ANKRD12: variants seen among roughly 807,000 people sequenced by gnomAD.
The protein encoded by ANKRD12 is ankyrin repeat domain-containing protein 12.
A neutral mutation model predicts 183.4 loss-of-function variants in ANKRD12; 85 were observed. That is an observed-to-expected ratio of 0.46 (90% CI 0.39 to 0.56). The LOEUF is 0.56. ANKRD12 is among the 20% of genes least tolerant of loss of function. The probability of loss-of-function intolerance (pLI) is 0.00; values close to 1 mark genes in which losing one functional copy is unlikely to be tolerated. For missense variants in ANKRD12, 2,405 were observed against 2,357.1 expected (o/e 1.02, Z -0.42); for synonymous variants, 914 against 800.2 (o/e 1.14, Z -2.40).
chr18:9,256,044 A>G lies in ANKRD12; in HGVS notation c.2777A>G (p.Lys926Arg). 1 of 1,562,278 alleles carries G rather than the reference A, an allele frequency of 6.4e-7. No homozygotes were observed. Among genetic ancestry groups the G allele is most frequent in the Non-Finnish European group, 8.6e-7 (1 of 1,161,102 alleles). The change falls in exon 9 of 13, where the codon AAA becomes AGA. Residue 926 changes from lysine to arginine, a missense_variant. Transcript: ENST00000262126. The stretch of plus-strand genomic sequence containing the variant: ...AAAGAGAGGCATCTAGCAGAAAGCA[A>G]AGAAAAGCACTTGATGGAGAAAAAA... ...PEKERHLAES[K>R]EKHLMEKKNK...
chr18:9,261,836 C>G (rs1307675177), intron 9 of ANKRD12, among the ~76,000 whole-genome samples: 1 of 152,120 alleles, frequency 6.6e-6, no homozygotes, highest in Non-Finnish European at 1.5e-5. Context: ...GGTATTTGCC[C>G]TCTTGAGGAA....
At chr18:9,144,791 G>A (rs2078437611) in intron 1 of ANKRD12, among the ~76,000 whole-genome samples, 1 of 151,942 alleles carries the variant, frequency 6.6e-6, no homozygotes. Context: ...CAAAGATGAT[G>A]ATATTAAAAG....
At chr18:9,180,991 C>CT (rs2033658724) in intron 1 of ANKRD12, among the ~76,000 whole-genome samples, 1 of 152,092 alleles carries the variant, frequency 6.6e-6, no homozygotes, top group African/African-American at 2.4e-5. Flanking sequence ...TGGCTCATAA[C>CT]TTTAACTCCA....
chr18:9,273,384 G>A (rs2039693609), intron 10 of ANKRD12, among the ~76,000 whole-genome samples: 1 of 152,160 alleles, frequency 6.6e-6, no homozygotes, highest in Non-Finnish European at 1.5e-5. Context: ...TCATCATACA[G>A]TATGTTTATT....
intron 1 of ANKRD12, among the ~76,000 whole-genome samples, chr18:9,139,031 T>C (rs938965316): frequency 7.2e-5 from 11 of 152,240 alleles, no homozygotes; most frequent in Admixed American, 6.5e-4. Flanking sequence ...GTTTTCATAA[T>C]CTCATAATTT....
intron 1 of ANKRD12, among the ~76,000 whole-genome samples, chr18:9,178,216 T>C (rs1262050313): frequency 6.6e-6 from 1 of 152,188 alleles, no homozygotes; most frequent in Non-Finnish European, 1.5e-5. Context: ...GCCACTAAAA[T>C]ACTCTTGTTT....
chr18:9,220,234 AT>A (rs1160507161), intron 7 of ANKRD12, among the ~76,000 whole-genome samples: 1 of 152,104 alleles, frequency 6.6e-6, no homozygotes, highest in African/African-American at 2.4e-5. Flanking sequence ...CATGTTATTC[AT>A]TTAAGTATTT....
chr18:9,161,674 C>T (rs1276312387), intron 1 of ANKRD12, among the ~76,000 whole-genome samples: 1 of 151,836 alleles, frequency 6.6e-6, no homozygotes, highest in African/African-American at 2.4e-5. Flanking sequence ...CTGCACCTGA[C>T]CTCTTTTTAT....
chr18:9,240,377 A>G (rs942410177), intron 8 of ANKRD12, among the ~76,000 whole-genome samples: 3 of 152,188 alleles, frequency 2.0e-5, no homozygotes, highest in African/African-American at 7.2e-5. Flanking sequence ...CTGTCCAGCA[A>G]TAGTGTTTGC....
chr18:9,160,023 A>T (rs998891690), intron 1 of ANKRD12, among the ~76,000 whole-genome samples: 1 of 151,834 alleles, frequency 6.6e-6, no homozygotes, highest in Non-Finnish European at 1.5e-5. Context: ...TAATCCCCGC[A>T]CTTTGGGAGT....
chr18:9,201,910 C>T (rs1219700994), intron 3 of ANKRD12, among the ~76,000 whole-genome samples: 4 of 151,788 alleles, frequency 2.6e-5, no homozygotes, highest in African/African-American at 9.7e-5. Flanking sequence ...TCACTGCAAC[C>T]TCTGCCTCCT....
intron 1 of ANKRD12, among the ~76,000 whole-genome samples, chr18:9,178,343 C>CTCTGTCTT (rs35964343): frequency 3.3e-5 from 5 of 150,998 alleles, no homozygotes; most frequent in Non-Finnish European, 1.5e-5. Flanking sequence ...CTCTCTCTCT[C>CTCTGTCTT]GTTTTTTGCA....
intron 6 of ANKRD12, among the ~76,000 whole-genome samples, chr18:9,215,208 TAGTA>T (rs913818166): frequency 6.6e-5 from 10 of 152,038 alleles, no homozygotes; most frequent in Non-Finnish European, 1.3e-4. Flanking sequence ...GGACATTTAT[TAGTA>T]AGGAAGAGAA....
intron 1 of ANKRD12, among the ~76,000 whole-genome samples, chr18:9,170,370 C>T (rs1337672602): frequency 6.6e-6 from 1 of 152,194 alleles, no homozygotes; most frequent in Non-Finnish European, 1.5e-5. Flanking sequence ...TAGATTTGGT[C>T]TTTTCACAAA....
At chr18:9,141,371 C>A (rs1192789686) in intron 1 of ANKRD12, among the ~76,000 whole-genome samples, 1 of 152,136 alleles carries the variant, frequency 6.6e-6, no homozygotes, top group Non-Finnish European at 1.5e-5. Context: ...TCTTTCATCA[C>A]AGTGACTGAA....
At chr18:9,206,422 G>C (rs2035487637) in intron 4 of ANKRD12, among the ~76,000 whole-genome samples, 2 of 151,928 alleles carry the variant, frequency 1.3e-5, no homozygotes, top group African/African-American at 4.8e-5. Flanking sequence ...TGGGTCAGAG[G>C]AAACAAATTC....
In ANKRD12 at chr18:9,285,169, A is replaced by G. The variant is rs1409873762; in HGVS notation, c.*4043A>G. On this transcript the variant is annotated 3_prime_UTR_variant, in exon 13 of 13. Coordinates refer to ENST00000262126, the MANE Select transcript of ANKRD12 (RefSeq NM_015208.5). ...GCTTGCAGTGAGCCGAGATCGTGCC[A>G]CTGCACTCCAGCCTGGGCGACAGAG... is the stretch of plus-strand genomic sequence containing the variant. The G allele has an allele frequency of 6.6e-6, 1 of 151,364 alleles. No homozygotes were observed. Among genetic ancestry groups the G allele is most frequent in the Non-Finnish European group, 1.5e-5 (1 of 67,852 alleles). The allele number at this position is 151,364 out of a possible 1,614,324, so 9.4% of individuals were successfully genotyped here. A position where few individuals can be genotyped will look rare whatever the true frequency, so the allele number is the denominator to read the frequency against.
Position 9,144,825 on chromosome 18 carries a change from A to G in ANKRD12, c.-52+7860A>G, listed in dbSNP as rs184794367. ...AGAAAAGATAAAATGATAAATTTAGAAACTTTAGGGGAAAATATGTAATTT... is the reference window on the plus strand; with the variant it reads ...AGAAAAGATAAAATGATAAATTTAGGAACTTTAGGGGAAAATATGTAATTT... On this transcript the variant is annotated intron_variant, in intron 1 of 12. Transcript: ENST00000262126. 6.4e-3 allele frequency among the ~76,000 whole-genome samples: 971 copies of G among 152,258 alleles called. 8 individuals carry two copies. The highest frequency in any genetic ancestry group is 0.017 in the Middle Eastern group (5 of 294).
Position 9,256,633 on chromosome 18 carries a change from T to C in ANKRD12, c.3366T>C (p.Asp1122=), listed in dbSNP as rs751778878. The C allele has an allele frequency of 8.5e-5, 136 of 1,605,622 alleles. No homozygotes were observed. The highest frequency in any genetic ancestry group is 1.1e-4 in the Non-Finnish European group (127 of 1,178,040). The part of the protein sequence containing the change: ...NRNCLELKIK[D]KEKTKHTPTE... Reference sequence around the variant, plus strand: ...ACTGTTTAGAACTTAAAATAAAAGATAAAGAAAAAACAAAGCATACACCAA... The same window carrying C: ...ACTGTTTAGAACTTAAAATAAAAGACAAAGAAAAAACAAAGCATACACCAA... The change falls in exon 9 of 13, where the codon GAT becomes GAC. Residue 1122 remains aspartate, a synonymous_variant. Transcript: ENST00000262126.
Sources: allele counts gnomAD v4.1 joint callset (sites outside exome capture counted in the v4.1 genomes callset), GRCh38; gene constraint gnomAD v4.1.1; transcripts MANE v1.5; gene names NCBI Gene and HGNC (gene_info 2026-07-23, HGNC 2026-07-21).